Variants in CLCA4 observed in about 807,000 individuals in gnomAD.
CLCA4 encodes the protein calcium-activated chloride channel regulator 4.
A neutral mutation model predicts 78.9 loss-of-function variants in CLCA4; 69 were observed. That is an observed-to-expected ratio of 0.87 (90% confidence interval 0.72 to 1.07). CLCA4 has a LOEUF of 1.07. Among genes scored for constraint, CLCA4 ranks in the 50% least tolerant of loss-of-function variants. The pLI, the probability that CLCA4 is intolerant of heterozygous loss-of-function variation, is 0.00. For synonymous variants in CLCA4, 362 were observed against 375.8 expected (o/e 0.96, Z 0.42); for missense variants, 1,133 against 1,095.8 (o/e 1.03, Z -0.48).
intron 1 of CLCA4, chr1:86,553,025 C>A (rs1250546938): frequency 6.3e-6 from 4 of 631,778 alleles, no homozygotes; most frequent in Admixed American, 2.7e-5. Flanking sequence ...CGTGCCCCCT[C>A]CTGCTCCCAC....
Position 86,563,744 on chromosome 1 carries a change from A to G in CLCA4, c.532A>G (p.Lys178Glu), listed in dbSNP as rs771224352. 6.2e-7 allele frequency: 1 copy of G among 1,607,594 alleles called. No homozygotes were observed. Among genetic ancestry groups the G allele is most frequent in the South Asian group, 1.1e-5 (1 of 90,146 alleles). Residue 178 changes from lysine to glutamate, a missense_variant, in exon 4 of 14, where the codon AAG becomes GAG. Physicochemically the swap from Lys to Glu is moderately conservative, Grantham distance 56. Transcript: ENST00000370563. ...TGAAGATCAGCCTTTCTACCGTGCTAAGTCAAAAAAAATCGAAGCAACAAG... is the reference window on the plus strand; with the variant it reads ...TGAAGATCAGCCTTTCTACCGTGCTGAGTCAAAAAAAATCGAAGCAACAAG... ...YNEDQPFYRA[K>E]SKKIEATRCS... is the part of the protein sequence containing the mutation.
chr1:86,575,486 T>C lies in CLCA4; in HGVS notation c.1838T>C (p.Val613Ala). The C allele has an allele frequency of 6.2e-7, 1 of 1,613,530 alleles. No individual in the cohort carries two copies. The highest frequency in any genetic ancestry group is 1.1e-5 in the South Asian group (1 of 91,078). The stretch of plus-strand genomic sequence containing the variant: ...AACAGTTTCCCCAGCCCAATGATTG[T>C]TTACGCAGAAATTCTACAAGGATAT... ...DVNSFPSPMI[V>A]YAEILQGYVP... The change falls in exon 11 of 14, where the codon GTT becomes GCT. Residue 613 changes from valine to alanine, a missense_variant. Transcript: ENST00000370563.
chr1:86,577,900 A>C lies in CLCA4; in HGVS notation c.1952-2A>C, dbSNP rs990596294. On this transcript the variant is annotated splice_acceptor_variant, in intron 11 of 13. Transcript: ENST00000370563. LOFTEE classifies it high-confidence loss of function. ...ACTTTATTCCTTCATTTCTATAACA[A>C]GGCGCTGATTCTTTCAAGAATGATG... 6.2e-7 allele frequency: 1 copy of C among 1,606,466 alleles called. No homozygotes were observed.
chr1:86,549,151 G>A (rs1359608144), intron 1 of CLCA4, among the ~76,000 whole-genome samples: 1 of 152,112 alleles, frequency 6.6e-6, no homozygotes, highest in Non-Finnish European at 1.5e-5. Flanking sequence ...GGAGTGTTAG[G>A]TGGGGCTGGA....
At chr1:86,552,951 G>A in intron 1 of CLCA4, 1 of 639,284 alleles carries the variant, frequency 1.6e-6, no homozygotes, top group African/African-American at 1.8e-5. Flanking sequence ...TCTGTGCTGA[G>A]GTGACTGGGC....
At chr1:86,558,271 G>A (rs1649908396) in intron 1 of CLCA4, among the ~76,000 whole-genome samples, 1 of 152,084 alleles carries the variant, frequency 6.6e-6, no homozygotes, top group Admixed American at 6.5e-5. Context: ...TTGTTTGAGT[G>A]ACACTGGTCT....
rs553556484 is a variant in CLCA4 at position 86,579,947 on chromosome 1, C to G, written c.2362C>G (p.Arg788Gly). 1.3e-6 allele frequency: 2 copies of G among 1,574,024 alleles called. No homozygotes were observed. Among genetic ancestry groups the G allele is most frequent in the Non-Finnish European group, 1.7e-6 (2 of 1,158,178 alleles). The change falls in exon 14 of 14, where the codon CGT becomes GGT. Residue 788 changes from arginine to glycine, a missense_variant. Physicochemically the swap from Arg to Gly is moderately radical, Grantham distance 125 (BLOSUM62 -2). Coordinates refer to ENST00000370563, the MANE Select transcript of CLCA4 (RefSeq NM_012128.4). ...GDNFDVGKVQ[R>G]YIIRISASIL... ...ATGTAACTTTTTTTTCTCAGTTCAA[C>G]GTTATATCATAAGAATAAGTGCAAG...
chr1:86,570,339 GT>G (rs3835434), intron 7 of CLCA4, among the ~76,000 whole-genome samples: 1 of 151,968 alleles, frequency 6.6e-6, no homozygotes, highest in African/African-American at 2.4e-5. Context: ...AATGAAATAT[GT>G]TGTCATCCTG....
intron 1 of CLCA4, among the ~76,000 whole-genome samples, chr1:86,559,156 C>T (rs950317435): frequency 6.6e-6 from 1 of 152,108 alleles, no homozygotes; most frequent in Non-Finnish European, 1.5e-5. Flanking sequence ...AAGTAGTTTG[C>T]TTTCTTCTGG....
At chr1:86,547,883 A>G (rs1649546260) in intron 1 of CLCA4, among the ~76,000 whole-genome samples, 1 of 152,194 alleles carries the variant, frequency 6.6e-6, no homozygotes, top group South Asian at 2.1e-4. Flanking sequence ...ACTTAGGTTG[A>G]CTTCACATCT....
chr1:86,572,545 C>G (rs1650382629), intron 8 of CLCA4, 69 bp from the exon 9 acceptor site: 1 of 919,446 alleles, frequency 1.1e-6, no homozygotes, highest in Admixed American at 1.9e-5. Context: ...TAACTATTAG[C>G]TTAATAATCA....
At chr1:86,563,825 C>G (rs1020121771) in intron 4 of CLCA4, 56 bp downstream of exon 4, 1 of 944,456 alleles carries the variant, frequency 1.1e-6, no homozygotes, top group Admixed American at 2.2e-5. Context: ...TTCTTATTTT[C>G]CTACTTTGAT....
chr1:86,550,789 T>G (rs1260855279), intron 1 of CLCA4, among the ~76,000 whole-genome samples: 1 of 151,336 alleles, frequency 6.6e-6, no homozygotes, highest in East Asian at 1.9e-4. Context: ...CCTTTCATCC[T>G]TATATTTCCT....
chr1:86,565,764 G>T lies in CLCA4; in HGVS notation c.736-38G>T, dbSNP rs754244572. On this transcript the variant is annotated intron_variant, in intron 5 of 13. Coordinates refer to ENST00000370563, the MANE Select transcript of CLCA4 (RefSeq NM_012128.4). ...TTGTAGTTTGATTTTTAAATGCATG[G>T]TATATTAAAATTATTTTTTATTTTA... 9 of 1,202,064 alleles carry T rather than the reference G, an allele frequency of 7.5e-6. No homozygotes were observed. In the Admixed American group the frequency reaches 2.0e-4, roughly 27 times the overall value. The allele number at this position is 1,202,064 out of a possible 1,614,324, so 74.5% of individuals were successfully genotyped here. A position where few individuals can be genotyped will look rare whatever the true frequency, so the allele number is the denominator to read the frequency against.
intron 1 of CLCA4, among the ~76,000 whole-genome samples, chr1:86,552,096 C>A (rs983733914): frequency 6.6e-6 from 1 of 152,072 alleles, no homozygotes; most frequent in African/African-American, 2.4e-5. Context: ...ACACCAACTA[C>A]AATTGTTCAG....
chr1:86,573,008 G>A (rs181654607), intron 9 of CLCA4: 1 of 338,714 alleles, frequency 3.0e-6, no homozygotes, highest in African/African-American at 2.1e-5. Flanking sequence ...ACCAAAAATG[G>A]ACCTTTTCCA....
chr1:86,577,779 C>T, intron 11 of CLCA4, 123 bp from the exon 12 acceptor site: 1 of 699,870 alleles, frequency 1.4e-6, no homozygotes, highest in Non-Finnish European at 2.4e-6. Flanking sequence ...AAATATTCTC[C>T]AAAGGGTCAA....
chr1:86,560,950 G>A (rs566047842), intron 3 of CLCA4, among the ~76,000 whole-genome samples: 1 of 152,266 alleles, frequency 6.6e-6, no homozygotes, highest in Non-Finnish European at 1.5e-5. Context: ...CAACAAAAGT[G>A]CACTTTACAG....
chr1:86,569,315 A>C (rs1030151551), intron 7 of CLCA4, among the ~76,000 whole-genome samples: 2 of 152,088 alleles, frequency 1.3e-5, no homozygotes, highest in African/African-American at 4.8e-5. Context: ...TTAAGGAAAA[A>C]GGTGAGAAAA....
Sources: allele counts gnomAD v4.1 joint callset (sites outside exome capture counted in the v4.1 genomes callset), GRCh38; gene constraint gnomAD v4.1.1; transcripts MANE v1.5; gene names NCBI Gene and HGNC (gene_info 2026-07-23, HGNC 2026-07-21).